Variants in RELT observed in about 807,000 individuals in gnomAD.
The protein encoded by RELT is tumor necrosis factor receptor superfamily member 19L.
In RELT, 37 loss-of-function variants were observed where a neutral mutation model predicts 51.1. The observed-to-expected ratio is 0.72, with a 90% CI of 0.56 to 0.95. RELT has a LOEUF of 0.95. Ranked by LOEUF, RELT falls within the 40% of genes least tolerant of loss-of-function variation. RELT has a pLI of 0.00. For missense variants in RELT, 535 were observed against 572.6 expected (o/e 0.93, Z 0.67); for synonymous variants, 241 against 235.7 (o/e 1.02, Z -0.21).
chr11:73,394,448 A>G lies in RELT; in HGVS notation c.789-29A>G, dbSNP rs753195725. The G allele has an allele frequency of 3.1e-5, 50 of 1,609,044 alleles. 1 individual carries two copies. Among genetic ancestry groups the G allele is most frequent in the Non-Finnish European group, 1.5e-5 (18 of 1,176,880 alleles). ...GGGTCTCCTGCCCCTGGCCTGGCCT[A>G]TGGCCACTTCTGCCTGTGCCCCCTG... On this transcript the variant is annotated intron_variant, in intron 8 of 10. Coordinates refer to ENST00000064780, the MANE Select transcript of RELT (RefSeq NM_152222.2). This position sits in a 1 kb window ranked among gnomAD's most constrained non-coding sequence, Gnocchi z 4.9.
At chr11:73,377,269 A>AGAGTGTGT (rs1040747542) in intron 1 of RELT, among the ~76,000 whole-genome samples, 4 of 146,086 alleles carry the variant, frequency 2.7e-5, no homozygotes, top group African/African-American at 1.1e-4. Context: ...AAGTGGTGTC[A>AGAGTGTGT]GTGTGTGTGT....
Position 73,389,121 on chromosome 11 carries a change from C to A in RELT, c.-16C>A. 6.5e-7 allele frequency: 1 copy of A among 1,544,914 alleles called. No individual in the cohort carries two copies. Among genetic ancestry groups the A allele is most frequent in the Non-Finnish European group, 8.7e-7 (1 of 1,144,274 alleles). On this transcript the variant is annotated 5_prime_UTR_variant, in exon 2 of 11. Transcript: ENST00000064780. ...TCTCCATCTGCCCTAGGCCGGCGACCACCAGGGGCCTGAGGATGAAGCCAA... is the reference window on the plus strand; with the variant it reads ...TCTCCATCTGCCCTAGGCCGGCGACAACCAGGGGCCTGAGGATGAAGCCAA...
intron 1 of RELT, among the ~76,000 whole-genome samples, chr11:73,380,940 T>C (rs1353746289): frequency 6.6e-6 from 1 of 152,018 alleles, no homozygotes; most frequent in Non-Finnish European, 1.5e-5. Context: ...GGGGCTGGAG[T>C]GGCAGAGAGG....
chr11:73,394,510 C>T lies in RELT; in HGVS notation c.822C>T (p.Ile274=). The T allele has an allele frequency of 1.2e-6, 2 of 1,610,774 alleles. No individual in the cohort carries two copies. Among genetic ancestry groups the T allele is most frequent in the Non-Finnish European group, 1.7e-6 (2 of 1,179,734 alleles). The change falls in exon 9 of 11, where the codon ATC becomes ATT. Residue 274 remains isoleucine (I), a synonymous_variant. Coordinates refer to ENST00000064780, the MANE Select transcript of RELT (RefSeq NM_152222.2). This position sits in a 1 kb window ranked among gnomAD's most constrained non-coding sequence, Gnocchi z 4.9. ...LPPAPPNVPH[I]CPHRHHLHTV... Reference sequence around the variant, plus strand: ...CAGCGCCCCCGAACGTGCCACACATCTGCCCGCACCGCCACCATCTCCACA... The same window carrying T: ...CAGCGCCCCCGAACGTGCCACACATTTGCCCGCACCGCCACCATCTCCACA...
At position 73,395,430 on chromosome 11, in the gene RELT, C is replaced by T. The variant is rs1420013387; in HGVS notation, c.1246-14C>T. The T allele has an allele frequency of 4.4e-6, 4 of 918,314 alleles. No homozygotes were observed. Among genetic ancestry groups the T allele is most frequent in the Non-Finnish European group, 7.4e-6 (4 of 543,814 alleles). 56.9% of individuals were successfully genotyped at this position (918,314 alleles called of 1,614,324 possible). A position where few individuals can be genotyped will look rare whatever the true frequency, so the allele number is the denominator to read the frequency against. On this transcript the variant is annotated splice_polypyrimidine_tract_variant and intron_variant, in intron 10 of 10. Coordinates refer to ENST00000064780, the MANE Select transcript of RELT (RefSeq NM_152222.2). The stretch of plus-strand genomic sequence containing the variant: ...CCCCTGACTCAGCTCTGACCCCTCA[C>T]CCCTGCCCACCAGGAGAACCGCTAT...
rs761672964 is a variant in RELT, at chr11:73,392,218, G to T, written c.375G>T (p.Gly125=). 6 of 1,611,150 alleles carry T rather than the reference G, an allele frequency of 3.7e-6. No homozygotes were observed. Among genetic ancestry groups the T allele is most frequent in the Non-Finnish European group, 5.1e-6 (6 of 1,178,694 alleles). The change falls in exon 6 of 11, where the codon GGG becomes GGT. Residue 125 remains glycine (G), a synonymous_variant. Transcript: ENST00000064780. The part of the protein sequence containing the change: ...PLGTHGCDEW[G]RRARRGVEVA... Reference sequence around the variant, plus strand: ...ATCGTCTGTGATGCTCAGAGTGGGGGCGGCGGGCCCGACGTGGCGTGGAGG... The same window carrying T: ...ATCGTCTGTGATGCTCAGAGTGGGGTCGGCGGGCCCGACGTGGCGTGGAGG...
At chr11:73,390,170 G>A (rs937816152) in intron 2 of RELT, among the ~76,000 whole-genome samples, 2 of 152,164 alleles carry the variant, frequency 1.3e-5, no homozygotes, top group Admixed American at 1.3e-4. Flanking sequence ...GCCCAGCTGT[G>A]ATGGGGCCAG....
At chr11:73,385,168 G>A (rs1016016860) in intron 1 of RELT, among the ~76,000 whole-genome samples, 1 of 152,140 alleles carries the variant, frequency 6.6e-6, no homozygotes, top group Non-Finnish European at 1.5e-5. Context: ...AGCAATGGGC[G>A]CAGGCCTTGG....
chr11:73,391,967 G>A (rs73542938), intron 5 of RELT: 8 of 588,822 alleles, frequency 1.4e-5, no homozygotes, highest in Admixed American at 3.0e-5. Context: ...CCCAGCGTGA[G>A]GGGAGGGTGG....
At chr11:73,392,885 C>A (rs1189097568) in intron 6 of RELT, 5 of 1,064,524 alleles carry the variant, frequency 4.7e-6, no homozygotes, top group Admixed American at 4.8e-5. Flanking sequence ...CCTGGGCAGG[C>A]ACCATAAGGG....
intron 1 of RELT, chr11:73,376,886 G>C (rs1241585759): frequency 6.5e-6 from 1 of 153,364 alleles, no homozygotes; most frequent in African/African-American, 2.4e-5. Context: ...GTGCGGGCTG[G>C]ACGGCGGCGC....
intron 1 of RELT, among the ~76,000 whole-genome samples, chr11:73,381,000 C>CCA (rs1186889458): frequency 5.9e-5 from 9 of 152,118 alleles, no homozygotes; most frequent in Admixed American, 5.9e-4. Context: ...GGATTATGGC[C>CCA]CGGGAGGCTG....
rs111294854 is a variant in RELT at position 73,394,718 on chromosome 11, A to C, written c.1030A>C (p.Ile344Leu). The C allele has an allele frequency of 2.5e-6, 4 of 1,610,182 alleles. No homozygotes were observed. The highest frequency in any genetic ancestry group is 2.2e-5 in the South Asian group (2 of 91,080). Residue 344 changes from isoleucine (I) to leucine (L), a missense_variant, in exon 9 of 11, where the codon ATC becomes CTC. Transcript: ENST00000064780. The surrounding 1 kb of genome is among the most constrained non-coding windows in gnomAD (Gnocchi z 4.9). ...AKAGRQGEIT[I>L]LSVGRFRVAR... ...GGCAGGGCGTCAGGGCGAGATCACC[A>C]TCTTGTCTGTGGGCAGGTGAGATGG...
chr11:73,393,695 G>A (rs773114094), intron 6 of RELT, 142 bp from the exon 7 acceptor site: 24 of 1,582,492 alleles, frequency 1.5e-5, no homozygotes, highest in Non-Finnish European at 1.8e-5. Context: ...ACATTTGCAG[G>A]GCTCTGGGAG....
chr11:73,391,091 G>A, intron 4 of RELT, 53 bp from the exon 5 acceptor site: 1 of 1,583,664 alleles, frequency 6.3e-7, no homozygotes, highest in Non-Finnish European at 8.7e-7. Flanking sequence ...CCTCTCCTAA[G>A]GATAGTGTTT....
chr11:73,379,914 G>A (rs535946970), intron 1 of RELT, among the ~76,000 whole-genome samples: 42 of 152,212 alleles, frequency 2.8e-4, no homozygotes, highest in Non-Finnish European at 1.2e-4. Flanking sequence ...CTTTACCCTC[G>A]CCTCTCCTTG....
chr11:73,393,505 T>G (rs1866251739), intron 6 of RELT: 2 of 1,250,762 alleles, frequency 1.6e-6, no homozygotes, highest in South Asian at 3.0e-5. Flanking sequence ...CACAGCTCCT[T>G]GAGGCTGAGG....
Position 73,394,276 on chromosome 11 carries a change from C to T in RELT, c.747C>T (p.His249=). 6.2e-7 allele frequency: 1 copy of T among 1,612,226 alleles called. No homozygotes were observed. Among genetic ancestry groups the T allele is most frequent in the Non-Finnish European group, 8.5e-7 (1 of 1,179,618 alleles). Residue 249 remains histidine, a synonymous_variant, in exon 8 of 11, where the codon CAC becomes CAT. Coordinates refer to ENST00000064780, the MANE Select transcript of RELT (RefSeq NM_152222.2). This position sits in a 1 kb window ranked among gnomAD's most constrained non-coding sequence, Gnocchi z 4.9. ...AALEELLKEY[H]SKQLVQTSHR... ...TGGAGGAGCTGCTGAAAGAGTACCA[C>T]AGCAAACAGCTGGTGCAGACGAGCC...
chr11:73,395,597 G>A lies in RELT; in HGVS notation c.*106G>A. The A allele has an allele frequency of 1.3e-6, 1 of 765,362 alleles. No individual in the cohort carries two copies. The highest frequency in any genetic ancestry group is 1.4e-5 in the South Asian group (1 of 73,226). 47.4% of individuals were successfully genotyped at this position (765,362 alleles called of 1,614,324 possible). A position where few individuals can be genotyped will look rare whatever the true frequency, so the allele number is the denominator to read the frequency against. On this transcript the variant is annotated 3_prime_UTR_variant, in exon 11 of 11. Transcript: ENST00000064780. ...GGACTGTGAGGACCGAGAAGCAATG[G>A]CCCAGCAGACGAGACAGCAAAGACC...
Sources: gnomAD v4.1 joint callset for allele counts (sites outside exome capture counted in the v4.1 genomes callset) on GRCh38, gnomAD v4.1.1 for gene constraint, Gnocchi (gnomAD v3.1) non-coding constraint, MANE v1.5 for transcripts, NCBI Gene and HGNC (gene_info 2026-07-23, HGNC 2026-07-21) for gene names.